The following ACOT9 variants were observed in gnomAD, a reference collection of about 807,000 sequenced individuals.
The protein encoded by ACOT9 is acyl-coenzyme A thioesterase 9, mitochondrial.
ACOT9 carries 34 observed loss-of-function variants against 39.7 expected under a neutral mutation model. The observed-to-expected ratio is 0.86, with a 90% CI of 0.65 to 1.14. The LOEUF is 1.14. Ranked by LOEUF, ACOT9 falls within the 50% of genes most tolerant of loss-of-function variation. ACOT9 has a pLI of 0.00. For missense variants in ACOT9, 313 were observed against 344.1 expected, an observed-to-expected ratio of 0.91 and a Z score of 0.71; for synonymous variants, 110 against 120.5, an observed-to-expected ratio of 0.91 and a Z score of 0.57.
chrX:23,720,403 T>A (rs1169678975), intron 8 of ACOT9, among the ~76,000 whole-genome samples: 1 of 110,814 alleles, frequency 9.0e-6, no homozygotes, highest in African/African-American at 3.3e-5. Flanking sequence ...GGAAATAGAG[T>A]CGTTGCAGAC....
Position 23,740,737 on chromosome X carries a change from C to T in ACOT9, c.20+2388G>A, listed in dbSNP as rs1470969241. ...ATACATACACACACACACACACACACACACACACACACACACACACACACA... is the reference window on the plus strand; with the variant it reads ...ATACATACACACACACACACACACATACACACACACACACACACACACACA... On this transcript the variant is annotated intron_variant, in intron 1 of 15. Transcript: ENST00000379303. Among the ~76,000 whole-genome samples the T allele has an allele frequency of 1.2e-4, 3 of 24,492 alleles. No homozygotes were observed. In the African/African-American group the frequency reaches 2.1e-3, roughly 17 times the overall value. 21.3% of individuals were successfully genotyped at this position (24,492 alleles called of 115,157 possible).
rs899464853 is a variant in ACOT9 at position 23,701,906 on chromosome X, C to G, written c.*1988G>C. On this transcript the variant is annotated 3_prime_UTR_variant, in exon 16 of 16. Coordinates refer to ENST00000379303, the MANE Select transcript of ACOT9 (RefSeq NM_001037171.2). The stretch of plus-strand genomic sequence containing the variant: ...TGGCCAACATGGTGAAACCGCCTTT[C>G]TACTAAAAATACAAAAACTAGCCAG... 9.0e-6 allele frequency among the ~76,000 whole-genome samples: 1 copy of G among 111,050 alleles called. No homozygotes were observed. The highest frequency in any genetic ancestry group is 1.9e-5 in the Non-Finnish European group (1 of 52,957).
At chrX:23,709,399 C>T (rs1211426051) in intron 9 of ACOT9, among the ~76,000 whole-genome samples, 2 of 111,430 alleles carry the variant, frequency 1.8e-5, no homozygotes, top group Non-Finnish European at 3.8e-5. Context: ...GTCTTGAAAA[C>T]AAAAAACAAA....
Position 23,743,225 on chromosome X carries a change from G to C in ACOT9, c.-81C>G. 1 of 1,090,899 alleles carries C rather than the reference G, an allele frequency of 9.2e-7. No individual in the cohort carries two copies. Among genetic ancestry groups the C allele is most frequent in the Non-Finnish European group, 1.2e-6 (1 of 819,292 alleles). 89.9% of individuals were successfully genotyped at this position (1,090,899 alleles called of 1,213,427 possible). A position where few individuals can be genotyped will look rare whatever the true frequency, so the allele number is the denominator to read the frequency against. ...GAGGGAAACTGAGGCGATAAAAGAC[G>C]CACGAGTACCAGACCGCGCCCTTGC... On this transcript the variant is annotated 5_prime_UTR_variant, in exon 1 of 16. Transcript: ENST00000379303.
intron 6 of ACOT9, among the ~76,000 whole-genome samples, chrX:23,724,574 C>T (rs1267463850): frequency 1.8e-5 from 2 of 110,352 alleles, no homozygotes; most frequent in Non-Finnish European, 3.8e-5. Flanking sequence ...GAGTTCCAGA[C>T]CAGCCCAGGC....
In ACOT9 at chrX:23,701,470, C is replaced by A. The variant is rs779395208; in HGVS notation, c.*2424G>T. Among the ~76,000 whole-genome samples the A allele has an allele frequency of 4.5e-5, 5 of 110,870 alleles. No individual in the cohort carries two copies. The highest frequency in any genetic ancestry group is 7.5e-5 in the Non-Finnish European group (4 of 53,016). On this transcript the variant is annotated 3_prime_UTR_variant, in exon 16 of 16. Coordinates refer to ENST00000379303, the MANE Select transcript of ACOT9 (RefSeq NM_001037171.2). ...GACACTGTGATTTCAATAAACATTA[C>A]ATAAACTAATATAAAAAAATTGCTT...
At chrX:23,738,961 A>G (rs1013221789) in intron 1 of ACOT9, among the ~76,000 whole-genome samples, 2 of 58,635 alleles carry the variant, frequency 3.4e-5, no homozygotes, top group Non-Finnish European at 5.6e-5. Context: ...AATACAGTAT[A>G]GGGGTTAACC....
intron 6 of ACOT9, among the ~76,000 whole-genome samples, chrX:23,724,296 G>A (rs778948892): frequency 1.8e-5 from 2 of 111,245 alleles, no homozygotes; most frequent in African/African-American, 6.5e-5. Context: ...AAAAGAATGG[G>A]CCATTTTCAA....
In ACOT9 at chrX:23,706,797, A is replaced by G. The variant is rs142007269; in HGVS notation, c.731-58T>C. On this transcript the variant is annotated intron_variant, in intron 10 of 15. Transcript: ENST00000379303. ...GGACGGTCGCACTACAGCACACGGTATTCTGACCTGGGATGCCTTTCAAAA... is the reference window on the plus strand; with the variant it reads ...GGACGGTCGCACTACAGCACACGGTGTTCTGACCTGGGATGCCTTTCAAAA... 4.2e-3 allele frequency: 2,915 copies of G among 687,437 alleles called. 10 individuals carry two copies. Among genetic ancestry groups the G allele is most frequent in the Non-Finnish European group, 5.6e-3 (2,559 of 453,917 alleles). 56.7% of individuals were successfully genotyped at this position (687,437 alleles called of 1,213,427 possible).
intron 6 of ACOT9, among the ~76,000 whole-genome samples, chrX:23,726,248 T>A (rs745329512): frequency 9.0e-6 from 1 of 111,309 alleles, no homozygotes; most frequent in South Asian, 3.7e-4. Flanking sequence ...CAAAAAATAA[T>A]CAGTTTTTGA....
chrX:23,742,213 T>TGAGTGAGAGAGAGAGA (rs1555941896), intron 1 of ACOT9, among the ~76,000 whole-genome samples: 4 of 68,910 alleles, frequency 5.8e-5, no homozygotes, highest in Admixed American at 1.8e-4. Context: ...AGTGAGTGAG[T>TGAGTGAGAGAGAGAGA]GAGAGAGAGA....
chrX:23,713,865 C>T (rs1035035822), intron 8 of ACOT9, among the ~76,000 whole-genome samples: 8 of 110,619 alleles, frequency 7.2e-5, no homozygotes, highest in African/African-American at 2.6e-4. Flanking sequence ...GACCTGGTCT[C>T]TAACTACAAA....
chrX:23,715,590 A>G (rs769027246), intron 8 of ACOT9, among the ~76,000 whole-genome samples: 1 of 111,344 alleles, frequency 9.0e-6, no homozygotes, highest in African/African-American at 3.3e-5. Context: ...ATCCCTCACA[A>G]TGCAGGGGAT....
chrX:23,714,709 C>G (rs182633142), intron 8 of ACOT9, among the ~76,000 whole-genome samples: 42 of 110,937 alleles, frequency 3.8e-4, no homozygotes, highest in African/African-American at 1.2e-3. Context: ...ACTGCAGTCT[C>G]GACCTCATGG....
At chrX:23,725,997 G>C (rs186284568) in intron 6 of ACOT9, among the ~76,000 whole-genome samples, 1 of 109,966 alleles carries the variant, frequency 9.1e-6, no homozygotes, top group Non-Finnish European at 1.9e-5. Context: ...TCAGAAGTTC[G>C]AGACCAGCCC....
At chrX:23,742,086 C>T in intron 1 of ACOT9, among the ~76,000 whole-genome samples, 1 of 110,655 alleles carries the variant, frequency 9.0e-6, no homozygotes, top group Non-Finnish European at 1.9e-5. Context: ...CAACTGTGGC[C>T]CCTCTCATAA....
chrX:23,735,434 T>C (rs1451818306), intron 2 of ACOT9, among the ~76,000 whole-genome samples: 2 of 110,565 alleles, frequency 1.8e-5, no homozygotes, highest in East Asian at 5.5e-4. Context: ...ACACACATAA[T>C]ATAAATTTAT....
Position 23,703,822 on chromosome X carries a change from C to T in ACOT9, c.*72G>A. 1 of 883,956 alleles carries T rather than the reference C, an allele frequency of 1.1e-6. No individual in the cohort carries two copies. Among genetic ancestry groups the T allele is most frequent in the South Asian group, 2.1e-5 (1 of 47,490 alleles). 72.8% of individuals were successfully genotyped at this position (883,956 alleles called of 1,213,427 possible). On this transcript the variant is annotated 3_prime_UTR_variant, in exon 16 of 16. Transcript: ENST00000379303. ...ACACGAAGCAATACTAAAATCAATA[C>T]ACTCGATCAGGTCTTCATCAGATAC...
chrX:23,705,126 A>G (rs1240401612), intron 13 of ACOT9, 46 bp from the exon 14 acceptor site: 1 of 1,073,165 alleles, frequency 9.3e-7, no homozygotes, highest in Admixed American at 2.3e-5. Flanking sequence ...CAAAATTCAG[A>G]TGATCTCAAT....
Sources: gnomAD v4.1 joint callset for allele counts (sites outside exome capture counted in the v4.1 genomes callset) on GRCh38, gnomAD v4.1.1 for gene constraint, MANE v1.5 for transcripts, NCBI Gene and HGNC (gene_info 2026-07-23, HGNC 2026-07-21) for gene names.